GMPPA: variants seen among roughly 807,000 people sequenced by gnomAD.
GMPPA encodes GDP-mannose pyrophosphorylase A.
A neutral mutation model predicts 58.6 loss-of-function variants in GMPPA; 46 were observed. That is an observed-to-expected ratio of 0.78 (90% CI 0.62 to 1.00). The LOEUF (loss-of-function observed/expected upper bound fraction) is 1.00, where lower values mean the gene tolerates loss of function less well. GMPPA is among the 50% of genes least tolerant of loss of function. The pLI is 0.00. For missense variants in GMPPA, 468 were observed against 556.4 expected (o/e 0.84, Z 1.60); for synonymous variants, 211 against 214.9 (o/e 0.98, Z 0.16).
Position 219,506,438 on chromosome 2 carries a change from G to C in GMPPA, c.1162+16G>C. 1.2e-6 allele frequency: 2 copies of C among 1,605,604 alleles called. No homozygotes were observed. Among genetic ancestry groups the C allele is most frequent in the Non-Finnish European group, 1.7e-6 (2 of 1,175,790 alleles). ...ACCATCCTGGGTATGGCTTCCTGGG[G>C]GCCAGGGCTGGGGGAACCCCTCAGC... On this transcript the variant is annotated intron_variant, in intron 12 of 12. Transcript: ENST00000313597.
At chr2:219,505,907 G>A (rs1453670693) in intron 10 of GMPPA, 73 bp from the exon 11 acceptor site, 8 of 1,194,860 alleles carry the variant, frequency 6.7e-6, no homozygotes, top group Non-Finnish European at 9.5e-6. Context: ...TGCCTTATCT[G>A]TTCTAGAAGG....
At position 219,506,710 on chromosome 2, in the gene GMPPA, G is replaced by A. The variant is rs568610828; in HGVS notation, c.1175G>A (p.Arg392Gln). 1.8e-5 allele frequency: 29 copies of A among 1,597,792 alleles called. No homozygotes were observed. In the African/African-American group the frequency reaches 1.9e-4, roughly 10 times the overall value. The stretch of plus-strand genomic sequence containing the variant: ...ATCCATGCTGCAGGCTGCCGAGTCC[G>A]GATCCCTGCCGAGGTGCTCATCCTG... Reference protein sequence around the residue: ...PAITILGCRVRIPAEVLILNS... With the variant: ...PAITILGCRVQIPAEVLILNS... The change falls in exon 13 of 13, where the codon CGG becomes CAG. Residue 392 changes from arginine (R) to glutamine (Q), a missense_variant. Arg to Gln is a conservative substitution (Grantham distance 43). Transcript: ENST00000313597.
At chr2:219,505,917 G>A (rs1251092610) in intron 10 of GMPPA, 63 bp from the exon 11 acceptor site, 11 of 1,229,390 alleles carry the variant, frequency 8.9e-6, no homozygotes, top group African/African-American at 1.5e-5. Flanking sequence ...GTTCTAGAAG[G>A]GAGTTGGGTT....
rs754381367 is a variant in GMPPA, at chr2:219,505,553, G to A, written c.851G>A (p.Arg284Gln). 1.0e-5 allele frequency: 16 copies of A among 1,566,582 alleles called. No homozygotes were observed. In the East Asian group the frequency reaches 2.1e-4, roughly 21 times the overall value. The part of the protein sequence containing the change: ...AKHTPGGPWI[R>Q]GNVYIHPTAK... The stretch of plus-strand genomic sequence containing the variant: ...CACACCCCAGGGGGCCCATGGATCC[G>A]AGGTACCCAGCCTGCCCCAATTCCT... The change falls in exon 9 of 13, where the codon CGA (arginine) becomes CAA (glutamine). Residue 284 changes from arginine to glutamine, a missense_variant and splice_region_variant. Arg to Gln is a conservative substitution (Grantham distance 43). Transcript: ENST00000313597.
In GMPPA at chr2:219,502,288, A is replaced by G; in HGVS notation, c.430-94A>G. Reference sequence around the variant, plus strand: ...GAAGGCCTGTCAGTGGCAGAGCTGCATGCCAGGTGCTGTAGCGGAGGGAAA... The same window carrying G: ...GAAGGCCTGTCAGTGGCAGAGCTGCGTGCCAGGTGCTGTAGCGGAGGGAAA... On this transcript the variant is annotated intron_variant, in intron 5 of 12. Transcript: ENST00000313597. The surrounding 1 kb of genome is among the most constrained non-coding windows in gnomAD (Gnocchi z 4.0). The G allele has an allele frequency of 1.8e-6, 2 of 1,117,562 alleles. No homozygotes were observed. Among genetic ancestry groups the G allele is most frequent in the Non-Finnish European group, 1.4e-6 (1 of 737,070 alleles). 69.2% of individuals were successfully genotyped at this position (1,117,562 alleles called of 1,614,324 possible).
chr2:219,502,027 T>G lies in GMPPA; in HGVS notation c.419T>G (p.Leu140Arg). 6.2e-7 allele frequency: 1 copy of G among 1,614,172 alleles called. No individual in the cohort carries two copies. Among genetic ancestry groups the G allele is most frequent in the Non-Finnish European group, 8.5e-7 (1 of 1,180,020 alleles). ...CGCCAGCGTCACCCTTTCTTACTCC[T>G]TGGCACTACGGTGAGGGGGTCAGGA... ...HRRQRHPFLL[L>R]GTTANRTQSL... The change falls in exon 5 of 13, where the codon CTT (leucine) becomes CGT (arginine). Residue 140 changes from leucine (L) to arginine (R), a missense_variant. Physicochemically the swap from Leu to Arg is moderately radical, Grantham distance 102. Transcript: ENST00000313597. The surrounding 1 kb of genome is among the most constrained non-coding windows in gnomAD (Gnocchi z 4.0).
In GMPPA at chr2:219,502,023, C is replaced by T. The variant is rs1252869181; in HGVS notation, c.415C>T (p.Leu139Phe). The change falls in exon 5 of 13, where the codon CTC becomes TTC. Residue 139 changes from leucine (L) to phenylalanine (F), a missense_variant. By Grantham distance (22) the Leu-to-Phe change is conservative. Coordinates refer to ENST00000313597, the MANE Select transcript of GMPPA (RefSeq NM_013335.4). This position sits in a 1 kb window ranked among gnomAD's most constrained non-coding sequence, Gnocchi z 4.0. Reference sequence around the variant, plus strand: ...CCGACGCCAGCGTCACCCTTTCTTACTCCTTGGCACTACGGTGAGGGGGTC... The same window carrying T: ...CCGACGCCAGCGTCACCCTTTCTTATTCCTTGGCACTACGGTGAGGGGGTC... ...AHRRQRHPFL[L>F]LGTTANRTQS... The T allele has an allele frequency of 1.2e-6, 2 of 1,614,086 alleles. No individual in the cohort carries two copies. The highest frequency in any genetic ancestry group is 1.7e-5 in the Admixed American group (1 of 60,016).
chr2:219,502,592 A>C lies in GMPPA; in HGVS notation c.489+151A>C. 4.4e-6 allele frequency: 2 copies of C among 459,140 alleles called. No individual in the cohort carries two copies. The highest frequency in any genetic ancestry group is 2.1e-5 in the African/African-American group (1 of 48,236). The allele number at this position is 459,140 out of a possible 1,614,324, so 28.4% of individuals were successfully genotyped here. A position where few individuals can be genotyped will look rare whatever the true frequency, so the allele number is the denominator to read the frequency against. On this transcript the variant is annotated intron_variant, in intron 6 of 12. Transcript: ENST00000313597. The surrounding 1 kb of genome is among the most constrained non-coding windows in gnomAD (Gnocchi z 4.0). ...CCGATTAATCATCTTATATCCCTTTAAGAGAGATTGACCAGGGGGAGGGGG... is the reference window on the plus strand; with the variant it reads ...CCGATTAATCATCTTATATCCCTTTCAGAGAGATTGACCAGGGGGAGGGGG...
At chr2:219,499,259 G>A (rs1694304696) in intron 1 of GMPPA, 1 of 152,442 alleles carries the variant, frequency 6.6e-6, no homozygotes, top group Admixed American at 6.5e-5. Flanking sequence ...ACAGAGGTTA[G>A]TTTTAGGATT....
In GMPPA at chr2:219,502,676, G is replaced by A. The variant is rs934383721; in HGVS notation, c.489+235G>A. 3.9e-5 allele frequency among the ~76,000 whole-genome samples: 6 copies of A among 152,210 alleles called. No individual in the cohort carries two copies. The East Asian group carries it at 1.2e-3, about 29-fold the overall frequency. On this transcript the variant is annotated intron_variant, in intron 6 of 12. Transcript: ENST00000313597. This position sits in a 1 kb window ranked among gnomAD's most constrained non-coding sequence, Gnocchi z 4.0. Reference sequence around the variant, plus strand: ...ATAAATGTATGCACAGTGCATGATGGGAACACCAAGGGGGCCCCAACCCAG... The same window carrying A: ...ATAAATGTATGCACAGTGCATGATGAGAACACCAAGGGGGCCCCAACCCAG...
At chr2:219,501,407 C>T in intron 3 of GMPPA, 69 bp from the exon 4 acceptor site, 1 of 1,002,786 alleles carries the variant, frequency 1.0e-6, no homozygotes, top group East Asian at 2.4e-5. Context: ...TTTGGGCCAG[C>T]ACCAAGGATT....
chr2:219,505,280 G>T lies in GMPPA; in HGVS notation c.673G>T (p.Asp225Tyr). ...PGAGTIRLEQDVFSALAGQGQ... is the reference protein window; with the variant it reads ...PGAGTIRLEQYVFSALAGQGQ... ...GGCAGGTACCATCCGCCTAGAGCAG[G>T]ATGTGTTTTCAGCCCTGGCAGGGCA... The change falls in exon 8 of 13, where the codon GAT (aspartate) becomes TAT (tyrosine). Residue 225 changes from aspartate to tyrosine, a missense_variant. Transcript: ENST00000313597. 2 of 1,614,134 alleles carry T rather than the reference G, an allele frequency of 1.2e-6. No individual in the cohort carries two copies. Among genetic ancestry groups the T allele is most frequent in the South Asian group, 1.1e-5 (1 of 91,072 alleles).
At position 219,505,780 on chromosome 2, in the gene GMPPA, C is replaced by A. The variant is rs1393797395; in HGVS notation, c.900+19C>A. The stretch of plus-strand genomic sequence containing the variant: ...GGCTGTGGTGAGCACTGGTCCCAGC[C>A]CCAGGGAGGGAAGGGTGGTGGTCGG... On this transcript the variant is annotated intron_variant, in intron 10 of 12. Coordinates refer to ENST00000313597, the MANE Select transcript of GMPPA (RefSeq NM_013335.4). 3 of 1,583,358 alleles carry A rather than the reference C, an allele frequency of 1.9e-6. No homozygotes were observed. Among genetic ancestry groups the A allele is most frequent in the Non-Finnish European group, 2.6e-6 (3 of 1,160,816 alleles).
rs146215853 is a variant in GMPPA at position 219,505,470 on chromosome 2, C to T, written c.768C>T (p.Tyr256=). 6,492 of 1,561,898 alleles carry T rather than the reference C, an allele frequency of 4.2e-3. 19 individuals are homozygous for T. The highest frequency in any genetic ancestry group is 0.02 in the Middle Eastern group (122 of 5,990). ...SQIKSAGSAL[Y]ASRLYLSRYQ... ...TTGCGGTCCCCAGTTCAGCCCTCTA[C>T]GCCTCCCGCCTCTACCTGAGCCGAT... is the stretch of plus-strand genomic sequence containing the variant. The change falls in exon 9 of 13, where the codon TAC becomes TAT. Residue 256 remains tyrosine (Y), a synonymous_variant. Coordinates refer to ENST00000313597, the MANE Select transcript of GMPPA (RefSeq NM_013335.4).
chr2:219,502,131 G>T lies in GMPPA; in HGVS notation c.429+94G>T. The T allele has an allele frequency of 7.8e-7, 1 of 1,287,442 alleles. No individual in the cohort carries two copies. The allele number at this position is 1,287,442 out of a possible 1,614,324, so 79.8% of individuals were successfully genotyped here. ...TTGGGGAGGCAGGGGCGCCCCGGGAGTTGGTGTGGGAGCTGGCGTCAGGAG... is the reference window on the plus strand; with the variant it reads ...TTGGGGAGGCAGGGGCGCCCCGGGATTTGGTGTGGGAGCTGGCGTCAGGAG... On this transcript the variant is annotated intron_variant, in intron 5 of 12. Transcript: ENST00000313597. This position sits in a 1 kb window ranked among gnomAD's most constrained non-coding sequence, Gnocchi z 4.0.
At chr2:219,506,481 G>C (rs1453558595) in intron 12 of GMPPA, 59 bp downstream of exon 12, 2 of 1,514,932 alleles carry the variant, frequency 1.3e-6, no homozygotes, top group South Asian at 1.2e-5. Flanking sequence ...CAGTGGCCCC[G>C]GGGAGCATTC....
At position 219,504,227 on chromosome 2, in the gene GMPPA, C is replaced by T. The variant is rs753890391; in HGVS notation, c.620+14C>T. 5 of 1,613,174 alleles carry T rather than the reference C, an allele frequency of 3.1e-6. No homozygotes were observed. In the East Asian group the frequency reaches 6.7e-5, roughly 22 times the overall value. On this transcript the variant is annotated intron_variant, in intron 7 of 12. Coordinates refer to ENST00000313597, the MANE Select transcript of GMPPA (RefSeq NM_013335.4). ...GGATGGGCAATTGTGAGGCAGGCCC[C>T]ATAGCCCTGTGACCCCAAGTACCCC... is the stretch of plus-strand genomic sequence containing the variant.
At chr2:219,505,606 G>A (rs372564894) in intron 9 of GMPPA, 51 bp downstream of exon 9, 3 of 1,576,320 alleles carry the variant, frequency 1.9e-6, no homozygotes, top group Non-Finnish European at 2.6e-6. Flanking sequence ...CCAGCCCTCT[G>A]AACCAGGATT....
chr2:219,502,517 C>A lies in GMPPA; in HGVS notation c.489+76C>A. On this transcript the variant is annotated intron_variant, in intron 6 of 12. Transcript: ENST00000313597. This position sits in a 1 kb window ranked among gnomAD's most constrained non-coding sequence, Gnocchi z 4.0. ...CTCTACCTCAGGCCTCTAGAGAATG[C>A]TGGCACAGTATGGGGTGGGCTCTAG... 1 of 1,156,584 alleles carries A rather than the reference C, an allele frequency of 8.6e-7. No homozygotes were observed. The highest frequency in any genetic ancestry group is 1.3e-6 in the Non-Finnish European group (1 of 773,084). 71.6% of individuals were successfully genotyped at this position (1,156,584 alleles called of 1,614,324 possible). A position where few individuals can be genotyped will look rare whatever the true frequency, so the allele number is the denominator to read the frequency against.
Sources: allele counts gnomAD v4.1 joint callset (sites outside exome capture counted in the v4.1 genomes callset), GRCh38; gene constraint gnomAD v4.1.1; non-coding constraint Gnocchi (gnomAD v3.1); transcripts MANE v1.5; gene names NCBI Gene and HGNC (gene_info 2026-07-23, HGNC 2026-07-21).